Variants in RPL3L observed in about 807,000 individuals in gnomAD.
RPL3L encodes the protein ribosomal protein uL3-like.
RPL3L carries 44 observed loss-of-function variants against 44.5 expected under a neutral mutation model. That is an observed-to-expected ratio of 0.99 (90% confidence interval 0.78 to 1.27). RPL3L has a LOEUF of 1.27. Ranked by LOEUF, RPL3L falls within the 50% of genes most tolerant of loss-of-function variation. The pLI is 0.00. For synonymous variants in RPL3L, 292 were observed against 230.7 expected (o/e 1.27, Z -2.41); for missense variants, 631 against 569.1 (o/e 1.11, Z -1.11).
intron 3 of RPL3L, among the ~76,000 whole-genome samples, chr16:1,951,525 C>T (rs1442824784): frequency 6.6e-6 from 1 of 152,122 alleles, no homozygotes; most frequent in Admixed American, 6.6e-5. Flanking sequence ...AGACCACAGG[C>T]ATGCGCCACC....
rs149179063 is a variant in RPL3L, at chr16:1,953,935, A to G, written c.196+21T>C. The G allele has an allele frequency of 5.8e-5, 86 of 1,478,818 alleles. No individual in the cohort carries two copies. In the African/African-American group the frequency reaches 1.1e-3, roughly 19 times the overall value. 91.6% of individuals were successfully genotyped at this position (1,478,818 alleles called of 1,614,324 possible). ...AAGGTTCAGCCCTCCCCCTCCCCCA[A>G]GGGTCCCAACTGTGACTCACTGAGC... On this transcript the variant is annotated intron_variant, in intron 2 of 9. Transcript: ENST00000268661.
chr16:1,947,382 T>C lies in RPL3L; in HGVS notation c.502-2A>G. 6.3e-7 allele frequency: 1 copy of C among 1,575,486 alleles called. No individual in the cohort carries two copies. Among genetic ancestry groups the C allele is most frequent in the Non-Finnish European group, 8.6e-7 (1 of 1,162,210 alleles). On this transcript the variant is annotated splice_acceptor_variant, in intron 4 of 9. Transcript: ENST00000268661. LOFTEE classifies it high-confidence loss of function. The stretch of plus-strand genomic sequence containing the variant: ...CTGCCGGAAGGGCAGCAGTTTCATC[T>C]GCAGGACATGGCCGGAGGTCACGCC...
At chr16:1,947,797 C>T (rs1567309890) in intron 4 of RPL3L, among the ~76,000 whole-genome samples, 4 of 152,076 alleles carry the variant, frequency 2.6e-5, no homozygotes, top group Non-Finnish European at 4.4e-5. Context: ...GGCCTGGTGG[C>T]AGAGGAGGCC....
rs776229919 is a variant in RPL3L at position 1,944,852 on chromosome 16, G to C, written c.1209C>G (p.Thr403=). Residue 403 remains threonine (T), a synonymous_variant, in exon 10 of 10, where the codon ACC becomes ACG. Transcript: ENST00000268661. ...CCCACACAGCCTACAAGTCTCCCGA[G>C]GTCTCCGGCGTTTCCTTCTCCAGAT... The part of the protein sequence containing the change: ...KKHLEKETPE[T]SGDL 56 of 1,614,078 alleles carry C rather than the reference G, an allele frequency of 3.5e-5. 1 individual carries two copies. The South Asian group carries it at 5.6e-4, about 16-fold the overall frequency.
chr16:1,953,995 T>A lies in RPL3L; in HGVS notation c.157A>T (p.Met53Leu), dbSNP rs755911611. 3.1e-6 allele frequency: 5 copies of A among 1,597,116 alleles called. No individual in the cohort carries two copies. In the African/African-American group the frequency reaches 6.7e-5, roughly 21 times the overall value. ...LTAFLGYKAG[M>L]THTLREVHRP... is the part of the protein sequence containing the mutation. ...TGCACCTCCCGCAGGGTGTGGGTCA[T>A]GCCCGCCTTGTAGCCCAGGAAGGCC... Residue 53 changes from methionine (M) to leucine (L), a missense_variant, in exon 2 of 10, where the codon ATG becomes TTG. Met to Leu is a conservative substitution (Grantham distance 15). Coordinates refer to ENST00000268661, the MANE Select transcript of RPL3L (RefSeq NM_005061.3).
chr16:1,946,954 G>C lies in RPL3L; in HGVS notation c.833C>G (p.Thr278Arg), dbSNP rs149645742. The change falls in exon 6 of 10, where the codon ACG becomes AGG. Residue 278 changes from threonine to arginine, a missense_variant. Transcript: ENST00000268661. ...RAGQKGYHHR[T>R]ELNKKIFRIG... ...AGGACGCACCTTCTTGTTGAGCTCC[G>C]TGCGGTGGTGATAGCCCTTCTGCCC... 1.9e-6 allele frequency: 3 copies of C among 1,606,496 alleles called. No individual in the cohort carries two copies. Among genetic ancestry groups the C allele is most frequent in the Non-Finnish European group, 2.5e-6 (3 of 1,177,396 alleles).
Position 1,946,733 on chromosome 16 carries a change from G to T in RPL3L, c.850-7C>A. On this transcript the variant is annotated splice_polypyrimidine_tract_variant and splice_region_variant and intron_variant, in intron 6 of 9. Transcript: ENST00000268661. ...CCCTGCCGATGCGGAAGATCTGCCA[G>T]AAGGGGGCACATGCCAGGGGCAGGA... 2 of 1,612,108 alleles carry T rather than the reference G, an allele frequency of 1.2e-6. No individual in the cohort carries two copies. Among genetic ancestry groups the T allele is most frequent in the Non-Finnish European group, 1.7e-6 (2 of 1,179,790 alleles).
At chr16:1,950,363 G>A (rs2083163742) in intron 4 of RPL3L, among the ~76,000 whole-genome samples, 1 of 151,984 alleles carries the variant, frequency 6.6e-6, no homozygotes, top group Admixed American at 6.6e-5. Flanking sequence ...GGGGCAGTGT[G>A]GGGGCTGTGG....
rs2083103106 is a variant in RPL3L, at chr16:1,944,249, C to G, written c.*588G>C. On this transcript the variant is annotated 3_prime_UTR_variant, in exon 10 of 10. Coordinates refer to ENST00000268661, the MANE Select transcript of RPL3L (RefSeq NM_005061.3). ...GGTTTAGGAGTCGTGCATCTGGAGG[C>G]TACAAGATTCTGACCCTCCCTAAGC... 3 of 152,652 alleles carry G rather than the reference C, an allele frequency of 2.0e-5. No individual in the cohort carries two copies. Among genetic ancestry groups the G allele is most frequent in the Admixed American group, 2.0e-4 (3 of 15,318 alleles). The allele number at this position is 152,652 out of a possible 1,614,324, so 9.5% of individuals were successfully genotyped here. A position where few individuals can be genotyped will look rare whatever the true frequency, so the allele number is the denominator to read the frequency against.
intron 3 of RPL3L, among the ~76,000 whole-genome samples, chr16:1,952,439 C>T (rs996397261): frequency 6.6e-6 from 1 of 152,128 alleles, no homozygotes; most frequent in East Asian, 1.9e-4. Flanking sequence ...TGCAGTGGCA[C>T]GATCTCAGCT....
Position 1,947,292 on chromosome 16 carries a change from G to A in RPL3L, c.590C>T (p.Ala197Val), listed in dbSNP as rs200217046. The change falls in exon 5 of 10, where the codon GCC becomes GTC. Residue 197 changes from alanine (A) to valine (V), a missense_variant. Transcript: ENST00000268661. ...CACCTGCTTCTCCAGCCGGGCCTGG[G>A]CCCAGGCCACCTTCTCGGCCACCGT... is the stretch of plus-strand genomic sequence containing the variant. ...GGTVAEKVAW[A>V]QARLEKQVPV... The A allele has an allele frequency of 1.2e-6, 2 of 1,612,994 alleles. No individual in the cohort carries two copies. Among genetic ancestry groups the A allele is most frequent in the South Asian group, 1.1e-5 (1 of 91,074 alleles).
At chr16:1,947,896 C>T (rs759802961) in intron 4 of RPL3L, among the ~76,000 whole-genome samples, 137 of 149,162 alleles carry the variant, frequency 9.2e-4, no homozygotes, top group Non-Finnish European at 1.6e-3. Context: ...GTGGGGAGCT[C>T]GGACTTTCTT....
chr16:1,945,436 C>T lies in RPL3L; in HGVS notation c.1167+63G>A, dbSNP rs1161103977. ...TCCCTGCCAGCTCCAGCTCCCTACT[C>T]GGGCAGGCTGGATGTGGAGCTGGAG... is the stretch of plus-strand genomic sequence containing the variant. On this transcript the variant is annotated intron_variant, in intron 9 of 9. Transcript: ENST00000268661. 1.2e-5 allele frequency: 19 copies of T among 1,562,032 alleles called. No individual in the cohort carries two copies. In the Admixed American group the frequency reaches 1.7e-4, roughly 14 times the overall value.
chr16:1,947,283 C>CGGGCCT lies in RPL3L; in HGVS notation c.593_598dup (p.Gln198_Ala199dup), dbSNP rs754644246. ...GTGCACGGGCACCTGCTTCTCCAGCCGGGCCTGGGCCCAGGCCACCTTCTC... is the reference window on the plus strand; with the variant it reads ...GTGCACGGGCACCTGCTTCTCCAGCCGGGCCTGGGCCTGGGCCCAGGCCACCTTCTC... On this transcript the variant is annotated inframe_insertion, in exon 5 of 10. Coordinates refer to ENST00000268661, the MANE Select transcript of RPL3L (RefSeq NM_005061.3). The CGGGCCT allele has an allele frequency of 1.2e-6, 2 of 1,613,310 alleles. No individual in the cohort carries two copies. The highest frequency in any genetic ancestry group is 4.5e-5 in the East Asian group (2 of 44,866).
In RPL3L at chr16:1,944,677, C is replaced by G; in HGVS notation, c.*160G>C. On this transcript the variant is annotated 3_prime_UTR_variant, in exon 10 of 10. Transcript: ENST00000268661. ...TTACTCTTTCTCTATTGCAATTCCCCTGTCTTAATGAATCGGCTTTGTCTA... is the reference window on the plus strand; with the variant it reads ...TTACTCTTTCTCTATTGCAATTCCCGTGTCTTAATGAATCGGCTTTGTCTA... 1.3e-6 allele frequency: 1 copy of G among 781,510 alleles called. No individual in the cohort carries two copies. The highest frequency in any genetic ancestry group is 2.2e-6 in the Non-Finnish European group (1 of 460,578). 48.4% of individuals were successfully genotyped at this position (781,510 alleles called of 1,614,324 possible).
Position 1,946,690 on chromosome 16 carries a change from C to T in RPL3L, c.886G>A (p.Gly296Arg), listed in dbSNP as rs145928459. The change falls in exon 7 of 10, where the codon GGG becomes AGG. Residue 296 changes from glycine (G) to arginine (R), a missense_variant. Gly to Arg is a moderately radical substitution (Grantham distance 125). Coordinates refer to ENST00000268661, the MANE Select transcript of RPL3L (RefSeq NM_005061.3). Reference protein sequence around the residue: ...RIGRGPHMEDGKLVKNNASTS... With the variant: ...RIGRGPHMEDRKLVKNNASTS... ...GATGCATTGTTCTTCACCAGCTTCC[C>T]GTCCTCCATGTGCGGGCCCCTGCCG... 4.0e-5 allele frequency: 65 copies of T among 1,612,780 alleles called. No individual in the cohort carries two copies. The highest frequency in any genetic ancestry group is 2.5e-4 in the African/African-American group (19 of 75,064).
rs1285222055 is a variant in RPL3L at position 1,947,244 on chromosome 16, T to C, written c.638A>G (p.Gln213Arg). 2 of 1,613,502 alleles carry C rather than the reference T, an allele frequency of 1.2e-6. No individual in the cohort carries two copies. The highest frequency in any genetic ancestry group is 1.1e-5 in the South Asian group (1 of 91,080). ...KQVPVHSVFSQSEVIDVIAVT... is the reference protein window; with the variant it reads ...KQVPVHSVFSRSEVIDVIAVT... Reference sequence around the variant, plus strand: ...AGCAATGACATCAATGACCTCACTCTGGCTGAACACGCTGTGCACGGGCAC... The same window carrying C: ...AGCAATGACATCAATGACCTCACTCCGGCTGAACACGCTGTGCACGGGCAC... The change falls in exon 5 of 10, where the codon CAG (glutamine) becomes CGG (arginine). Residue 213 changes from glutamine to arginine, a missense_variant. By Grantham distance (43) the Gln-to-Arg change is conservative. Transcript: ENST00000268661.
At position 1,947,098 on chromosome 16, in the gene RPL3L, C is replaced by T. The variant is rs1567309358; in HGVS notation, c.689G>A (p.Gly230Glu). 4 of 1,613,566 alleles carry T rather than the reference C, an allele frequency of 2.5e-6. No homozygotes were observed. Among genetic ancestry groups the T allele is most frequent in the Non-Finnish European group, 3.4e-6 (4 of 1,179,980 alleles). The change falls in exon 6 of 10, where the codon GGG (glycine) becomes GAG (glutamate). Residue 230 changes from glycine to glutamate, a missense_variant and splice_region_variant. Coordinates refer to ENST00000268661, the MANE Select transcript of RPL3L (RefSeq NM_005061.3). Reference sequence around the variant, plus strand: ...CTTGGTATGCCAGCGGCTTGTGACCCCTGTGAGTGAGAGGGGCTGGTGGCT... The same window carrying T: ...CTTGGTATGCCAGCGGCTTGTGACCTCTGTGAGTGAGAGGGGCTGGTGGCT... Reference protein sequence around the residue: ...IAVTKGRGVKGVTSRWHTKKL... With the variant: ...IAVTKGRGVKEVTSRWHTKKL...
chr16:1,948,099 A>G lies in RPL3L; in HGVS notation c.502-719T>C, dbSNP rs559859834. On this transcript the variant is annotated intron_variant, in intron 4 of 9. Coordinates refer to ENST00000268661, the MANE Select transcript of RPL3L (RefSeq NM_005061.3). Reference sequence around the variant, plus strand: ...ACTACAGGTGCCCGCCACCTCGACCAGCTAATTTTTTGTATTTTTAGTTGA... The same window carrying G: ...ACTACAGGTGCCCGCCACCTCGACCGGCTAATTTTTTGTATTTTTAGTTGA... Among the ~76,000 whole-genome samples, 59 of 150,246 alleles carry G rather than the reference A, an allele frequency of 3.9e-4. 1 individual carries two copies. The highest frequency in any genetic ancestry group is 8.8e-4 in the African/African-American group (36 of 40,854).
Sources: allele counts gnomAD v4.1 joint callset (sites outside exome capture counted in the v4.1 genomes callset), GRCh38; gene constraint gnomAD v4.1.1; transcripts MANE v1.5; gene names NCBI Gene and HGNC (gene_info 2026-07-23, HGNC 2026-07-21).